The following RBFOX1 variants were observed in gnomAD, a reference collection of about 807,000 sequenced individuals.
RBFOX1 encodes RNA binding protein fox-1 homolog 1.
Under a neutral mutation model 57.7 loss-of-function variants are expected in RBFOX1, and 8 were observed. The observed-to-expected ratio is 0.14, with a 90% CI of 0.08 to 0.25. RBFOX1 has a LOEUF of 0.25. Among genes scored for constraint, RBFOX1 ranks in the 10% least tolerant of loss-of-function variants. RBFOX1 has a pLI of 1.00. For synonymous variants in RBFOX1, 326 were observed against 222.4 expected, an observed-to-expected ratio of 1.47 and a Z score of -4.15; for missense variants, 611 against 548.5, an observed-to-expected ratio of 1.11 and a Z score of -1.14.
chr16:7,360,938 G>T (rs1191730877), intron 4 of RBFOX1, among the ~76,000 whole-genome samples: 1 of 152,190 alleles, frequency 6.6e-6, no homozygotes, highest in Non-Finnish European at 1.5e-5. Context: ...CACTGCGTAT[G>T]AGTTTTTCTT....
At chr16:7,294,988 C>G (rs1201334919) in intron 4 of RBFOX1, among the ~76,000 whole-genome samples, 1 of 152,092 alleles carries the variant, frequency 6.6e-6, no homozygotes, top group East Asian at 1.9e-4. Flanking sequence ...AATAATCTAC[C>G]TTGCAGGATT....
chr16:5,324,456 C>T (rs534112452), intron 1 of RBFOX1, among the ~76,000 whole-genome samples: 12 of 152,262 alleles, frequency 7.9e-5, no homozygotes, highest in African/African-American at 2.6e-4. Context: ...GAGTGAAACT[C>T]TGTCTCAAAA....
In RBFOX1 at chr16:5,964,772, T is replaced by C. The variant is rs193165964; in HGVS notation, c.351+97437T>C. 1.9e-3 allele frequency among the ~76,000 whole-genome samples: 286 copies of C among 151,966 alleles called. 4 individuals are homozygous for C. Among genetic ancestry groups the C allele is most frequent in the Admixed American group, 3.1e-3 (47 of 15,244 alleles). On this transcript the variant is annotated intron_variant, in intron 4 of 19. Coordinates refer to the RBFOX1 transcript ENST00000641259. The stretch of plus-strand genomic sequence containing the variant: ...GTGTGTGTATATGTATATATATATA[T>C]ACACACATATACACACACACATTGG...
At chr16:5,673,147 A>G (rs1215144620) in intron 3 of RBFOX1, among the ~76,000 whole-genome samples, 1 of 152,152 alleles carries the variant, frequency 6.6e-6, no homozygotes, top group Non-Finnish European at 1.5e-5. Context: ...CACAAGCCTT[A>G]TAATTTAGCA....
At chr16:5,768,733 G>A (rs571937165) in intron 3 of RBFOX1, among the ~76,000 whole-genome samples, 3 of 152,158 alleles carry the variant, frequency 2.0e-5, no homozygotes, top group Non-Finnish European at 4.4e-5. Flanking sequence ...GAAACAGGAG[G>A]TCAGGCCAGC....
chr16:7,679,756 C>T (rs1203316760), intron 14 of RBFOX1, among the ~76,000 whole-genome samples: 2 of 151,960 alleles, frequency 1.3e-5, no homozygotes, highest in African/African-American at 4.8e-5. Context: ...TAAATGATCA[C>T]ATGCTGATTA....
chr16:6,800,617 C>T (rs184571583), intron 3 of RBFOX1, among the ~76,000 whole-genome samples: 1 of 152,194 alleles, frequency 6.6e-6, no homozygotes, highest in East Asian at 1.9e-4. Flanking sequence ...TTCAGGATAC[C>T]AACATTTTTT....
chr16:5,904,027 G>A (rs769832191), intron 4 of RBFOX1, among the ~76,000 whole-genome samples: 71 of 152,266 alleles, frequency 4.7e-4, no homozygotes, highest in Non-Finnish European at 8.8e-4. Context: ...GAAGGTCAGC[G>A]AGGCAGCCAT....
intron 2 of RBFOX1, among the ~76,000 whole-genome samples, chr16:6,506,463 A>G (rs1263544100): frequency 1.3e-5 from 2 of 151,962 alleles, no homozygotes; most frequent in Non-Finnish European, 2.9e-5. Context: ...AGTGAGAAAG[A>G]AGGCTGAGGG....
chr16:5,832,673 G>A (rs988573213), intron 3 of RBFOX1, among the ~76,000 whole-genome samples: 1 of 152,182 alleles, frequency 6.6e-6, no homozygotes, highest in Non-Finnish European at 1.5e-5. Flanking sequence ...GGGTCAATTA[G>A]CCTAATCCAT....
At chr16:5,716,505 G>C (rs942603655) in intron 3 of RBFOX1, among the ~76,000 whole-genome samples, 1 of 152,222 alleles carries the variant, frequency 6.6e-6, no homozygotes, top group East Asian at 1.9e-4. Context: ...ACTGCAATTA[G>C]ATACCATCTC....
chr16:7,440,194 C>G (rs374851219), intron 4 of RBFOX1, among the ~76,000 whole-genome samples: 3 of 152,152 alleles, frequency 2.0e-5, no homozygotes, highest in Admixed American at 6.5e-5. Context: ...CTGTGTCTGG[C>G]CCCAAATGTT....
At chr16:5,972,513 G>C (rs2059983602) in intron 4 of RBFOX1, among the ~76,000 whole-genome samples, 1 of 152,210 alleles carries the variant, frequency 6.6e-6, no homozygotes, top group Admixed American at 6.5e-5. Context: ...TTCTGGGAAA[G>C]GGAAGGGGAG....
intron 2 of RBFOX1, among the ~76,000 whole-genome samples, chr16:5,480,843 C>T (rs1229097514): frequency 1.3e-5 from 2 of 152,202 alleles, no homozygotes; most frequent in African/African-American, 4.8e-5. Context: ...TTGATTTTGA[C>T]AGTTGGGTTG....
chr16:5,295,807 G>T (rs902297152), intron 1 of RBFOX1, among the ~76,000 whole-genome samples: 1 of 152,214 alleles, frequency 6.6e-6, no homozygotes, highest in African/African-American at 2.4e-5. Flanking sequence ...TAACAGGGAA[G>T]AGGTTGTACA....
chr16:5,400,224 TG>T (rs1437180539), intron 1 of RBFOX1, among the ~76,000 whole-genome samples: 2 of 152,066 alleles, frequency 1.3e-5, no homozygotes, highest in African/African-American at 2.4e-5. Context: ...CTCGAGTAAC[TG>T]GGATTACAGG....
At chr16:5,718,973 TA>T (rs35859261) in intron 3 of RBFOX1, among the ~76,000 whole-genome samples, 301 of 147,014 alleles carry the variant, frequency 2.0e-3, no homozygotes, top group African/African-American at 6.0e-3. Flanking sequence ...TGTGTATAGT[TA>T]AAAAAAAAAA....
intron 4 of RBFOX1, among the ~76,000 whole-genome samples, chr16:5,955,214 G>C (rs1362287907): frequency 1.4e-5 from 2 of 144,648 alleles, no homozygotes; most frequent in Non-Finnish European, 3.0e-5. Context: ...CCAGGAAGCT[G>C]AGGCTGTAGT....
At position 7,621,936 on chromosome 16, in the gene RBFOX1, G is replaced by C. The variant is rs576375587; in HGVS notation, c.677-8667G>C. Among the ~76,000 whole-genome samples, 19 of 152,308 alleles carry C rather than the reference G, an allele frequency of 1.2e-4. 2 individuals carry two copies. In the South Asian group the frequency reaches 3.9e-3, roughly 32 times the overall value. On this transcript the variant is annotated intron_variant, in intron 10 of 15. Transcript: ENST00000550418. ...CCATACACAAAAATGAATAGATGTA[G>C]CTGTCTTCCAATGAAACTTTACTTA...
Sources: allele counts gnomAD v4.1 joint callset (sites outside exome capture counted in the v4.1 genomes callset), GRCh38; gene constraint gnomAD v4.1.1; transcripts MANE v1.5; gene names NCBI Gene and HGNC (gene_info 2026-07-23, HGNC 2026-07-21).